Variants in RPF2 observed in about 807,000 individuals in gnomAD.
RPF2 encodes ribosome production factor 2 homolog, also known as brix domain containing 1.
RPF2 carries 21 observed loss-of-function variants against 38.9 expected under a neutral mutation model. That is an observed-to-expected ratio of 0.54 (90% CI 0.38 to 0.78). The LOEUF (loss-of-function observed/expected upper bound fraction) is 0.78, where lower values mean the gene tolerates loss of function less well. Among genes scored for constraint, RPF2 ranks in the 30% least tolerant of loss-of-function variants. RPF2 has a pLI of 0.00. For missense variants in RPF2, 314 were observed against 358.1 expected (o/e 0.88, Z 0.99); for synonymous variants, 121 against 126.2 (o/e 0.96, Z 0.28).
At chr6:110,988,148 A>G (rs1252443097) in intron 2 of RPF2, among the ~76,000 whole-genome samples, 1 of 152,112 alleles carries the variant, frequency 6.6e-6, no homozygotes, top group African/African-American at 2.4e-5. Context: ...GGCTGCAGTA[A>G]GCTTTAATCA....
At chr6:110,985,269 G>T in intron 2 of RPF2, 131 bp downstream of exon 2, 1 of 709,792 alleles carries the variant, frequency 1.4e-6, no homozygotes, top group Non-Finnish European at 2.2e-6. Flanking sequence ...TTAGAGAAGA[G>T]CTAAAGTTGG....
At chr6:111,012,123 C>T (rs185785506) in intron 7 of RPF2, among the ~76,000 whole-genome samples, 1 of 146,732 alleles carries the variant, frequency 6.8e-6, no homozygotes, top group East Asian at 2.0e-4. Context: ...TTTTTTCATG[C>T]AAGATACCCA....
chr6:111,024,331 T>A lies in RPF2; in HGVS notation c.741+4T>A. 6.3e-7 allele frequency: 1 copy of A among 1,598,132 alleles called. No individual in the cohort carries two copies. The highest frequency in any genetic ancestry group is 8.5e-7 in the Non-Finnish European group (1 of 1,175,628). On this transcript the variant is annotated splice_donor_region_variant and intron_variant, in intron 9 of 9. Coordinates refer to ENST00000441448, the MANE Select transcript of RPF2 (RefSeq NM_032194.3). ...GAAAATGCCAAAAGCTCTCAAGGTA[T>A]ATAACTTAGAGCTTGGTACCACATT...
chr6:111,008,898 C>CTCTTTTTTTTTTTTT (rs1771963142), intron 7 of RPF2, among the ~76,000 whole-genome samples: 1 of 120,416 alleles, frequency 8.3e-6, no homozygotes, highest in Non-Finnish European at 1.7e-5. Flanking sequence ...TTCCTGGCTC[C>CTCTTTTTTTTTTTTT]TTTTTTTTTT....
chr6:110,996,410 A>G (rs549935902), intron 4 of RPF2, among the ~76,000 whole-genome samples: 1 of 151,714 alleles, frequency 6.6e-6, no homozygotes, highest in Non-Finnish European at 1.5e-5. Flanking sequence ...AACTCCTGAC[A>G]TCAGGTGACC....
intron 8 of RPF2, among the ~76,000 whole-genome samples, chr6:111,016,307 A>C (rs1335281400): frequency 6.6e-6 from 1 of 152,156 alleles, no homozygotes; most frequent in Non-Finnish European, 1.5e-5. Context: ...ATAAATCTTA[A>C]GCAGGCCGAG....
At chr6:111,022,618 G>A (rs1772254332) in intron 8 of RPF2, among the ~76,000 whole-genome samples, 2 of 152,198 alleles carry the variant, frequency 1.3e-5, no homozygotes, top group South Asian at 4.1e-4. Flanking sequence ...TAGGACGCTT[G>A]TGAATAAAAA....
intron 2 of RPF2, among the ~76,000 whole-genome samples, chr6:110,986,142 G>A (rs1034312766): frequency 3.9e-5 from 6 of 152,142 alleles, no homozygotes; most frequent in African/African-American, 7.2e-5. Flanking sequence ...AATTGGGCAT[G>A]GCCAAAGGAG....
intron 8 of RPF2, among the ~76,000 whole-genome samples, chr6:111,017,941 G>A (rs80077693): frequency 2.0e-5 from 3 of 152,074 alleles, no homozygotes; most frequent in Admixed American, 2.0e-4. Context: ...CTGAGTGAAC[G>A]AGACTCCGTC....
In RPF2 at chr6:111,008,137, GGTAA is replaced by G; in HGVS notation, c.493+4_493+7del. 6.3e-7 allele frequency: 1 copy of G among 1,589,102 alleles called. No homozygotes were observed. Among genetic ancestry groups the G allele is most frequent in the Non-Finnish European group, 8.6e-7 (1 of 1,169,380 alleles). ...TAGAAGACTAAAAAGTCTTCTTATT[GGTAA>G]GTATTTTAGTATTTATTATCTTCAG... On this transcript the variant is annotated splice_donor_variant and splice_donor_region_variant and intron_variant, in intron 7 of 9. Coordinates refer to ENST00000441448, the MANE Select transcript of RPF2 (RefSeq NM_032194.3). LOFTEE classifies it high-confidence loss of function.
chr6:110,997,274 A>G lies in RPF2; in HGVS notation c.316+10A>G, dbSNP rs763999559. The G allele has an allele frequency of 6.6e-7, 1 of 1,511,916 alleles. No individual in the cohort carries two copies. The highest frequency in any genetic ancestry group is 2.3e-5 in the East Asian group (1 of 44,246). The allele number at this position is 1,511,916 out of a possible 1,614,324, so 93.7% of individuals were successfully genotyped here. On this transcript the variant is annotated intron_variant, in intron 5 of 9. Coordinates refer to ENST00000441448, the MANE Select transcript of RPF2 (RefSeq NM_032194.3). The stretch of plus-strand genomic sequence containing the variant: ...AATAATCTAGTAATAGGTAAGTATA[A>G]TTTACTTTTTAATGTTTTCACTGAT...
At chr6:111,007,507 T>C (rs1299131068) in intron 6 of RPF2, among the ~76,000 whole-genome samples, 1 of 151,656 alleles carries the variant, frequency 6.6e-6, no homozygotes, top group Non-Finnish European at 1.5e-5. Flanking sequence ...GAGTCCAGCC[T>C]AGGCAACACA....
chr6:111,026,881 T>G lies in RPF2; in HGVS notation c.*1299T>G, dbSNP rs9400457. 0.75 allele frequency: 113,706 copies of G among 152,120 alleles called. 42,863 individuals are homozygous for G. The highest frequency in any genetic ancestry group is 1 in the East Asian group (5,157 of 5,176). 9.4% of individuals were successfully genotyped at this position (152,120 alleles called of 1,614,324 possible). A position where few individuals can be genotyped will look rare whatever the true frequency, so the allele number is the denominator to read the frequency against. On this transcript the variant is annotated 3_prime_UTR_variant, in exon 10 of 10. Coordinates refer to ENST00000441448, the MANE Select transcript of RPF2 (RefSeq NM_032194.3). ...TGTTACATGAAGTACCAGTGCTTTC[T>G]TTTTTGTTGTTTTTTGAGACAGAGT...
intron 3 of RPF2, among the ~76,000 whole-genome samples, chr6:110,991,032 G>A (rs565762076): frequency 7.9e-5 from 12 of 152,048 alleles, no homozygotes; most frequent in African/African-American, 2.7e-4. Context: ...ATCTGTGGGC[G>A]ATGGGTTCCA....
intron 5 of RPF2, 64 bp downstream of exon 5, chr6:110,997,328 C>T (rs1175060763): frequency 6.3e-6 from 6 of 954,002 alleles, no homozygotes; most frequent in Non-Finnish European, 8.3e-6. Flanking sequence ...GCAGCGAATT[C>T]ATACGGGTCT....
At chr6:110,982,199 C>A in intron 1 of RPF2, 70 bp downstream of exon 1, 2 of 1,533,006 alleles carry the variant, frequency 1.3e-6, no homozygotes, top group African/African-American at 1.4e-5. Context: ...GTGGTACTGT[C>A]TCGGCCTCTC....
Position 111,025,402 on chromosome 6 carries a change from G to A in RPF2, c.742-1G>A, listed in dbSNP as rs771107864. The A allele has an allele frequency of 5.0e-6, 8 of 1,589,446 alleles. No individual in the cohort carries two copies. The highest frequency in any genetic ancestry group is 5.2e-6 in the Non-Finnish European group (6 of 1,163,794). ...AATATATACATATTCTTTTATCGTA[G>A]CCAAAGAAGAAGAAAAATATTTCCC... is the stretch of plus-strand genomic sequence containing the variant. On this transcript the variant is annotated splice_acceptor_variant, in intron 9 of 9. Transcript: ENST00000441448. LOFTEE classifies it high-confidence loss of function.
At chr6:111,000,791 G>T (rs1005048467) in intron 6 of RPF2, among the ~76,000 whole-genome samples, 6 of 152,086 alleles carry the variant, frequency 3.9e-5, no homozygotes, top group Admixed American at 3.9e-4. Context: ...AGGCCCATAG[G>T]GGTTTCATTG....
chr6:111,008,898 CTTTTTT>C (rs57167034), intron 7 of RPF2, among the ~76,000 whole-genome samples: 4 of 120,418 alleles, frequency 3.3e-5, no homozygotes, highest in Non-Finnish European at 6.8e-5. Flanking sequence ...TTCCTGGCTC[CTTTTTT>C]TTTTTTTTTT....
Sources: allele counts gnomAD v4.1 joint callset (sites outside exome capture counted in the v4.1 genomes callset), GRCh38; gene constraint gnomAD v4.1.1; transcripts MANE v1.5; gene names NCBI Gene and HGNC (gene_info 2026-07-23, HGNC 2026-07-21).